The following SYT6 variants were observed in gnomAD, a reference collection of about 807,000 sequenced individuals.
SYT6 encodes synaptotagmin 6, also known as synaptotagmin-6.
In SYT6, 24 loss-of-function variants were observed where a neutral mutation model predicts 38.4. The ratio of observed to expected loss-of-function variants is 0.62; its 90% CI spans 0.45 to 0.88. The LOEUF is 0.88. SYT6 is among the 40% of genes least tolerant of loss of function. The pLI is 0.00. For synonymous variants in SYT6, 265 were observed against 241.9 expected (o/e 1.10, Z -0.89); for missense variants, 611 against 621.0 (o/e 0.98, Z 0.17).
At chr1:114,134,167 C>T (rs1678341358) in intron 3 of SYT6, among the ~76,000 whole-genome samples, 1 of 152,172 alleles carries the variant, frequency 6.6e-6, no homozygotes, top group Non-Finnish European at 1.5e-5. Context: ...CTGCTTTGGT[C>T]CAGACTACCT....
rs184934598 is a variant in SYT6 at position 114,123,265 on chromosome 1, T to C, written c.1071+14230A>G. Reference sequence around the variant, plus strand: ...AAGAAGGGAAATGCTTATCATGTTGTCATGACACACCACCAGAGCTGTTTT... The same window carrying C: ...AAGAAGGGAAATGCTTATCATGTTGCCATGACACACCACCAGAGCTGTTTT... On this transcript the variant is annotated intron_variant, in intron 3 of 7. Transcript: ENST00000610222. Among the ~76,000 whole-genome samples, 8 of 152,332 alleles carry C rather than the reference T, an allele frequency of 5.3e-5. No individual in the cohort carries two copies. In the East Asian group the frequency reaches 1.4e-3, roughly 26 times the overall value.
At chr1:114,105,368 C>T (rs559581785) in intron 3 of SYT6, among the ~76,000 whole-genome samples, 27 of 150,920 alleles carry the variant, frequency 1.8e-4, no homozygotes, top group African/African-American at 5.4e-4. Context: ...CTGCGCTCAC[C>T]GCACTCTCCT....
At chr1:114,099,528 G>T (rs1258921130) in intron 4 of SYT6, among the ~76,000 whole-genome samples, 1 of 152,164 alleles carries the variant, frequency 6.6e-6, no homozygotes, top group Non-Finnish European at 1.5e-5. Flanking sequence ...TGGGGAAGCT[G>T]GCCCCATATC....
chr1:114,097,202 C>T (rs1365082042), intron 6 of SYT6, among the ~76,000 whole-genome samples: 1 of 152,194 alleles, frequency 6.6e-6, no homozygotes, highest in Admixed American at 6.5e-5. Context: ...AGCCAGAAAG[C>T]GTGACACCTT....
At chr1:114,136,030 C>G (rs1678459640) in intron 3 of SYT6, among the ~76,000 whole-genome samples, 1 of 152,152 alleles carries the variant, frequency 6.6e-6, no homozygotes, top group Admixed American at 6.5e-5. Context: ...TGCTGGCCAG[C>G]CGGCTACTTA....
chr1:114,140,660 C>T (rs1036467942), intron 1 of SYT6, among the ~76,000 whole-genome samples: 5 of 152,220 alleles, frequency 3.3e-5, no homozygotes, highest in African/African-American at 1.2e-4. Context: ...CTGATCTACA[C>T]AGTGCACTTC....
At chr1:114,119,413 G>A (rs1431165287) in intron 3 of SYT6, among the ~76,000 whole-genome samples, 1 of 152,244 alleles carries the variant, frequency 6.6e-6, no homozygotes, top group Non-Finnish European at 1.5e-5. Context: ...ATGACGATAA[G>A]GAAGAACTTT....
chr1:114,139,592 G>A, intron 2 of SYT6, 23 bp downstream of exon 2: 7 of 1,613,612 alleles, frequency 4.3e-6, no homozygotes, highest in African/African-American at 1.3e-5. Flanking sequence ...GGGGGTCAGG[G>A]AAGGGAGTGG....
intron 4 of SYT6, among the ~76,000 whole-genome samples, chr1:114,101,576 T>A (rs72628775): frequency 0.047 from 7,142 of 152,262 alleles, 678 homozygotes; most frequent in East Asian, 0.39. Context: ...CTAGTTTAGA[T>A]CATTGAGAAT....
chr1:114,124,937 G>A (rs190960074), intron 3 of SYT6, among the ~76,000 whole-genome samples: 33 of 152,344 alleles, frequency 2.2e-4, no homozygotes, highest in African/African-American at 7.9e-4. Flanking sequence ...GCAAGGCAGG[G>A]GTGAGGAATG....
chr1:114,100,896 G>A (rs1018396894), intron 4 of SYT6, among the ~76,000 whole-genome samples: 3 of 152,064 alleles, frequency 2.0e-5, no homozygotes, highest in African/African-American at 7.2e-5. Flanking sequence ...CTCAGGTGCC[G>A]CCTCATTCCC....
At chr1:114,094,584 T>C (rs918813113) in intron 6 of SYT6, among the ~76,000 whole-genome samples, 2 of 152,168 alleles carry the variant, frequency 1.3e-5, no homozygotes, top group African/African-American at 4.8e-5. Flanking sequence ...GAAAGACACC[T>C]TTTCAGTTAA....
Position 114,137,677 on chromosome 1 carries a change from T to C in SYT6, c.889A>G (p.Asn297Asp), listed in dbSNP as rs369404390. 26 of 1,613,718 alleles carry C rather than the reference T, an allele frequency of 1.6e-5. No homozygotes were observed. Among genetic ancestry groups the C allele is most frequent in the African/African-American group, 2.7e-5 (2 of 74,906 alleles). Residue 297 changes from asparagine to aspartate, a missense_variant, in exon 3 of 8, where the codon AAC becomes GAC. Asn to Asp is a conservative substitution (Grantham distance 23). Transcript: ENST00000610222. ...TCATAGGGCACAGGGAAGTGGAAGTTCTCATCAAAGGTGGGGTTCAGGGTC... is the reference window on the plus strand; with the variant it reads ...TCATAGGGCACAGGGAAGTGGAAGTCCTCATCAAAGGTGGGGTTCAGGGTC... Reference protein sequence around the residue: ...RKTLNPTFDENFHFPVPYEEL... With the variant: ...RKTLNPTFDEDFHFPVPYEEL...
At chr1:114,106,340 G>A (rs1676312592) in intron 3 of SYT6, among the ~76,000 whole-genome samples, 1 of 151,948 alleles carries the variant, frequency 6.6e-6, no homozygotes. Context: ...TCAGCCCTGC[G>A]AGGTAGGTGC....
chr1:114,129,580 CTT>C (rs1390328308), intron 3 of SYT6, among the ~76,000 whole-genome samples: 1 of 96,380 alleles, frequency 1.0e-5, no homozygotes, highest in Admixed American at 1.2e-4. Context: ...TTCTTTCTTT[CTT>C]TCTTTCTTTC....
At chr1:114,106,757 G>A (rs545537328) in intron 3 of SYT6, among the ~76,000 whole-genome samples, 1 of 151,924 alleles carries the variant, frequency 6.6e-6, no homozygotes, top group African/African-American at 2.4e-5. Context: ...CCCACAGTAA[G>A]CATCTCTCCC....
At chr1:114,092,620 G>GTCAGACTT (rs1553178354) in intron 7 of SYT6, among the ~76,000 whole-genome samples, 1 of 152,124 alleles carries the variant, frequency 6.6e-6, no homozygotes, top group Non-Finnish European at 1.5e-5. Context: ...CTTGTGGAGA[G>GTCAGACTT]GTAGAGGTGT....
At chr1:114,102,401 T>C (rs1233218879) in intron 4 of SYT6, among the ~76,000 whole-genome samples, 9 of 152,156 alleles carry the variant, frequency 5.9e-5, no homozygotes, top group Admixed American at 5.9e-4. Context: ...CTGAGCACCT[T>C]GTCCTGAAAC....
At chr1:114,112,631 A>T (rs1281442993) in intron 3 of SYT6, among the ~76,000 whole-genome samples, 1 of 152,238 alleles carries the variant, frequency 6.6e-6, no homozygotes, top group Non-Finnish European at 1.5e-5. Context: ...ATGCCTGGTC[A>T]AGCCAGGAAG....
Sources: gnomAD v4.1 joint callset for allele counts (sites outside exome capture counted in the v4.1 genomes callset) on GRCh38, gnomAD v4.1.1 for gene constraint, MANE v1.5 for transcripts, NCBI Gene and HGNC (gene_info 2026-07-23, HGNC 2026-07-21) for gene names.